Variants in RP1 observed in about 807,000 individuals in gnomAD.
RP1 encodes oxygen-regulated protein 1.
RP1 carries 16 observed loss-of-function variants against 14.8 expected under a neutral mutation model. The observed-to-expected ratio is 1.08, with a 90% confidence interval of 0.73 to 1.65. The LOEUF is 1.65. Among genes scored for constraint, RP1 ranks in the 40% most tolerant of loss-of-function variants. The probability of loss-of-function intolerance (pLI) is 0.00; values close to 1 mark genes in which losing one functional copy is unlikely to be tolerated. For synonymous variants in RP1, 876 were observed against 883.6 expected (o/e 0.99, Z 0.15); for missense variants, 2,631 against 2,535.0 (o/e 1.04, Z -0.81).
exon 22 of RP1, chr8:54,759,053 C>T (rs929123133): frequency 3.3e-6 from 5 of 1,534,802 alleles, no homozygotes; most frequent in Admixed American, 2.0e-5. Flanking sequence ...GCACCACATC[C>T]GAGTCCATCT....
chr8:54,824,206 T>C (rs191556501), intron 24 of RP1, among the ~76,000 whole-genome samples: 62 of 152,206 alleles, frequency 4.1e-4, no homozygotes, highest in African/African-American at 1.3e-3. Flanking sequence ...AAATTACTAA[T>C]ATTAGAAATG....
At chr8:54,573,613 A>G (rs1264097120) in intron 1 of RP1, among the ~76,000 whole-genome samples, 2 of 152,206 alleles carry the variant, frequency 1.3e-5, no homozygotes, top group Non-Finnish European at 2.9e-5. Flanking sequence ...CGTTTTGCAA[A>G]AAAAGGTAAT....
intron 1 of RP1, among the ~76,000 whole-genome samples, chr8:54,590,122 C>T (rs1039566246): frequency 6.6e-6 from 1 of 152,206 alleles, no homozygotes; most frequent in African/African-American, 2.4e-5. Flanking sequence ...TTCTTAACAT[C>T]TTCCATTCAG....
intron 20 of RP1, among the ~76,000 whole-genome samples, chr8:54,755,365 T>C (rs1331842355): frequency 3.3e-5 from 5 of 152,186 alleles, no homozygotes; most frequent in African/African-American, 1.2e-4. Context: ...AGAACAACCT[T>C]ATAAAAAATC....
exon 4 of RP1, chr8:54,649,144 T>G: frequency 6.7e-7 from 1 of 1,485,688 alleles, no homozygotes; most frequent in Non-Finnish European, 8.8e-7. Flanking sequence ...GAAGACATAT[T>G]TACTGTAAGT....
intron 1 of RP1, among the ~76,000 whole-genome samples, chr8:54,595,555 T>C (rs1307153610): frequency 6.6e-6 from 1 of 152,238 alleles, no homozygotes; most frequent in Non-Finnish European, 1.5e-5. Flanking sequence ...GGCAGGGTGC[T>C]AGGAGCATAC....
intron 25 of RP1, among the ~76,000 whole-genome samples, chr8:54,849,577 C>T (rs994736275): frequency 2.0e-5 from 3 of 152,160 alleles, no homozygotes; most frequent in Non-Finnish European, 4.4e-5. Context: ...ATTTATGGAG[C>T]TGTTAATGCT....
downstream of RP1, among the ~76,000 whole-genome samples, chr8:54,631,672 T>C (rs982314149): frequency 1.5e-5 from 2 of 132,786 alleles, no homozygotes; most frequent in Non-Finnish European, 1.6e-5. Flanking sequence ...TTTTTACTAC[T>C]TTTTTTTTTT....
In RP1 at chr8:54,629,708, T is replaced by C. The variant is rs745479934; in HGVS notation, c.5826T>C (p.Asp1942=). The change falls in exon 4 of 4, where the codon GAT becomes GAC. Residue 1942 remains aspartate (D), a synonymous_variant. Coordinates refer to ENST00000220676, the MANE Select transcript of RP1 (RefSeq NM_006269.2). Reference sequence around the variant, plus strand: ...GATTTGCATATCGCAAAGAATCTGATATTGAAAATTTCTTGGGTTTTTATT... The same window carrying C: ...GATTTGCATATCGCAAAGAATCTGACATTGAAAATTTCTTGGGTTTTTATT... ...DRGFAYRKES[D]IENFLGFYLW... 1 of 1,612,558 alleles carries C rather than the reference T, an allele frequency of 6.2e-7. No individual in the cohort carries two copies. Among genetic ancestry groups the C allele is most frequent in the Non-Finnish European group, 8.5e-7 (1 of 1,179,348 alleles).
chr8:54,669,456 G>A (rs1395160073), intron 7 of RP1, among the ~76,000 whole-genome samples: 1 of 152,204 alleles, frequency 6.6e-6, no homozygotes, highest in Admixed American at 6.5e-5. Context: ...AACGATTGTG[G>A]AAGACAGTGT....
intron 24 of RP1, among the ~76,000 whole-genome samples, chr8:54,788,310 C>A (rs1270510525): frequency 6.6e-6 from 1 of 152,146 alleles, no homozygotes; most frequent in East Asian, 1.9e-4. Context: ...TGGGTCTTTT[C>A]AATGTTTAAA....
chr8:54,658,578 G>C (rs997867544), intron 6 of RP1, among the ~76,000 whole-genome samples: 1 of 148,800 alleles, frequency 6.7e-6, no homozygotes, highest in Non-Finnish European at 1.5e-5. Context: ...AAAAGACTGC[G>C]TATTACTCTA....
intron 12 of RP1, chr8:54,696,763 A>T: frequency 1.4e-6 from 1 of 725,920 alleles, no homozygotes; most frequent in Non-Finnish European, 2.5e-6. Context: ...TCTTGGTAAA[A>T]GTCACCCCCC....
chr8:54,650,412 CTT>C (rs1419492438), intron 4 of RP1, among the ~76,000 whole-genome samples: 2 of 151,974 alleles, frequency 1.3e-5, no homozygotes, highest in Non-Finnish European at 2.9e-5. Context: ...TTGTATAGAC[CTT>C]TTCTTTTCTT....
chr8:54,720,077 C>A, intron 15 of RP1: 1 of 1,327,324 alleles, frequency 7.5e-7, no homozygotes, highest in Non-Finnish European at 1.0e-6. Context: ...GTTTTAAATT[C>A]TGTCTTTTAG....
chr8:54,580,821 A>G (rs1339275595), intron 1 of RP1, among the ~76,000 whole-genome samples: 1 of 148,686 alleles, frequency 6.7e-6, no homozygotes, highest in Non-Finnish European at 1.5e-5. Flanking sequence ...GTTTCTCCAT[A>G]TTGGCCAGGC....
chr8:54,779,344 T>A (rs16920753), intron 23 of RP1, among the ~76,000 whole-genome samples: 4,265 of 152,258 alleles, frequency 0.028, 183 homozygotes, highest in African/African-American at 0.097. Flanking sequence ...TGAATTGCAG[T>A]CACTTAGGGC....
intron 5 of RP1, among the ~76,000 whole-genome samples, chr8:54,653,144 T>G (rs1018336019): frequency 1.3e-5 from 2 of 152,208 alleles, no homozygotes; most frequent in South Asian, 2.1e-4. Context: ...GTTGCACTGC[T>G]GATAAAAAGA....
chr8:54,607,847 C>T (rs60749292), intron 1 of RP1, among the ~76,000 whole-genome samples: 12 of 152,276 alleles, frequency 7.9e-5, no homozygotes, highest in Middle Eastern at 6.8e-3. Context: ...CTGAGCCATG[C>T]GTGGGATATA....
Sources: allele counts gnomAD v4.1 joint callset (sites outside exome capture counted in the v4.1 genomes callset), GRCh38; gene constraint gnomAD v4.1.1; transcripts MANE v1.5; gene names NCBI Gene and HGNC (gene_info 2026-07-23, HGNC 2026-07-21).